The following RBFOX1 variants were observed in gnomAD, a reference collection of about 807,000 sequenced individuals.
RBFOX1 encodes the protein RNA binding protein fox-1 homolog 1.
Under a neutral mutation model 57.7 loss-of-function variants are expected in RBFOX1, and 8 were observed. The ratio of observed to expected loss-of-function variants is 0.14; its 90% CI spans 0.08 to 0.25. The LOEUF (loss-of-function observed/expected upper bound fraction) is 0.25, where lower values mean the gene tolerates loss of function less well. Among genes scored for constraint, RBFOX1 ranks in the 10% least tolerant of loss-of-function variants. The pLI is 1.00. For synonymous variants in RBFOX1, 326 were observed against 222.4 expected (o/e 1.47, Z -4.15); for missense variants, 611 against 548.5 (o/e 1.11, Z -1.14).
At chr16:6,613,910 C>T (rs962529056) in intron 2 of RBFOX1, among the ~76,000 whole-genome samples, 1 of 152,100 alleles carries the variant, frequency 6.6e-6, no homozygotes, top group African/African-American at 2.4e-5. Flanking sequence ...TGCACTCCAG[C>T]CTGGGCGACA....
chr16:7,025,290 C>G (rs1447559932), intron 3 of RBFOX1, among the ~76,000 whole-genome samples: 2 of 152,048 alleles, frequency 1.3e-5, no homozygotes, highest in African/African-American at 4.8e-5. Context: ...TCATGGCGCT[C>G]GTGAGTATAG....
chr16:6,761,139 C>T (rs1000261472), intron 3 of RBFOX1, among the ~76,000 whole-genome samples: 33 of 152,250 alleles, frequency 2.2e-4, no homozygotes, highest in African/African-American at 7.7e-4. Flanking sequence ...AAATTTTCAT[C>T]ATGATGACTT....
intron 4 of RBFOX1, among the ~76,000 whole-genome samples, chr16:7,369,018 C>G (rs560602048): frequency 3.3e-5 from 5 of 151,784 alleles, no homozygotes; most frequent in Admixed American, 1.3e-4. Flanking sequence ...CCTCCTGGCT[C>G]GAACAGGATG....
At chr16:6,792,644 C>G (rs1291843244) in intron 3 of RBFOX1, among the ~76,000 whole-genome samples, 1 of 152,036 alleles carries the variant, frequency 6.6e-6, no homozygotes, top group African/African-American at 2.4e-5. Flanking sequence ...TCTATGGTAA[C>G]TTGATGTCAT....
intron 14 of RBFOX1, among the ~76,000 whole-genome samples, chr16:7,705,449 G>A (rs934009447): frequency 6.6e-6 from 1 of 152,144 alleles, no homozygotes; most frequent in Admixed American, 6.5e-5. Context: ...AGCTTGCAGT[G>A]AGCCAAGATT....
chr16:5,795,626 CT>C (rs1452994384), intron 3 of RBFOX1, among the ~76,000 whole-genome samples: 2 of 152,172 alleles, frequency 1.3e-5, no homozygotes, highest in Non-Finnish European at 2.9e-5. Context: ...ACCTGGAATT[CT>C]TTCCCCTCCT....
chr16:5,475,872 C>G lies in RBFOX1; in HGVS notation c.258+8618C>G, dbSNP rs111723614. On this transcript the variant is annotated intron_variant, in intron 2 of 2. Transcript: ENST00000585867. ...CGAAGTGCAAGTACAGTGGCACGATCATAGCCCACTGCAGTCTCAAACTCC... is the reference window on the plus strand; with the variant it reads ...CGAAGTGCAAGTACAGTGGCACGATGATAGCCCACTGCAGTCTCAAACTCC... Among the ~76,000 whole-genome samples, 769 of 152,302 alleles carry G rather than the reference C, an allele frequency of 5.0e-3. 3 individuals are homozygous for G. The highest frequency in any genetic ancestry group is 0.017 in the African/African-American group (726 of 41,568).
chr16:5,510,594 T>C (rs537515889), intron 2 of RBFOX1, among the ~76,000 whole-genome samples: 9 of 152,136 alleles, frequency 5.9e-5, no homozygotes, highest in African/African-American at 1.9e-4. Context: ...AGTTTAGGGC[T>C]TAGGGGGAGA....
chr16:5,747,699 T>G (rs2053040710), intron 3 of RBFOX1, among the ~76,000 whole-genome samples: 1 of 152,222 alleles, frequency 6.6e-6, no homozygotes, highest in African/African-American at 2.4e-5. Context: ...GATGGTAGTA[T>G]TTCTGTGGGA....
intron 10 of RBFOX1, among the ~76,000 whole-genome samples, chr16:7,607,609 C>G (rs1226060405): frequency 6.6e-6 from 1 of 152,278 alleles, no homozygotes; most frequent in East Asian, 1.9e-4. Flanking sequence ...AGCATTGTGA[C>G]TTTGTTCAAT....
chr16:7,637,045 C>G (rs961397882), intron 11 of RBFOX1, among the ~76,000 whole-genome samples: 1 of 151,986 alleles, frequency 6.6e-6, no homozygotes, highest in Non-Finnish European at 1.5e-5. Context: ...CGTAGCAAGC[C>G]CCTTGATACA....
intron 3 of RBFOX1, among the ~76,000 whole-genome samples, chr16:5,692,722 G>T (rs1398499205): frequency 6.6e-6 from 1 of 152,078 alleles, no homozygotes; most frequent in African/African-American, 2.4e-5. Context: ...TACTTGGTTT[G>T]TTGAGAATTC....
chr16:6,872,071 C>T (rs148551571), intron 3 of RBFOX1, among the ~76,000 whole-genome samples: 2,407 of 151,664 alleles, frequency 0.016, 33 homozygotes, highest in Non-Finnish European at 0.026. Flanking sequence ...AGTTACATAC[C>T]CTTCTTTGTC....
At chr16:7,569,149 C>T (rs1567877602) in intron 5 of RBFOX1, among the ~76,000 whole-genome samples, 3 of 152,108 alleles carry the variant, frequency 2.0e-5, no homozygotes. Flanking sequence ...TGAAAATGTT[C>T]TATACCTGTG....
chr16:5,543,724 C>G (rs150593311), intron 2 of RBFOX1, among the ~76,000 whole-genome samples: 2 of 152,152 alleles, frequency 1.3e-5, no homozygotes, highest in East Asian at 1.9e-4. Context: ...GAAAACTACT[C>G]TAGGCACATC....
At chr16:7,056,442 C>T (rs1381539226) in intron 4 of RBFOX1, among the ~76,000 whole-genome samples, 2 of 152,176 alleles carry the variant, frequency 1.3e-5, no homozygotes, top group Non-Finnish European at 2.9e-5. Flanking sequence ...ACTCCTGATC[C>T]TATAGGCTGT....
chr16:5,606,613 C>T (rs181937866), intron 3 of RBFOX1, among the ~76,000 whole-genome samples: 9 of 152,242 alleles, frequency 5.9e-5, no homozygotes, highest in South Asian at 4.1e-4. Flanking sequence ...GCCCTCAAAG[C>T]GCTTGCAGTC....
chr16:6,066,293 C>CAAA (rs372412356), intron 1 of RBFOX1, among the ~76,000 whole-genome samples: 1,655 of 50,336 alleles, frequency 0.033, 292 homozygotes, highest in East Asian at 0.1. Context: ...GACTCTGTCT[C>CAAA]AAAAAAAAAA....
At chr16:5,800,024 G>C (rs2055007437) in intron 3 of RBFOX1, among the ~76,000 whole-genome samples, 1 of 151,858 alleles carries the variant, frequency 6.6e-6, no homozygotes, top group South Asian at 2.1e-4. Flanking sequence ...CTCCTATTAA[G>C]TGTATATTTC....
Sources: allele counts gnomAD v4.1 joint callset (sites outside exome capture counted in the v4.1 genomes callset), GRCh38; gene constraint gnomAD v4.1.1; transcripts MANE v1.5; gene names NCBI Gene and HGNC (gene_info 2026-07-23, HGNC 2026-07-21).